The following PTK2 variants were observed in gnomAD, a reference collection of about 807,000 sequenced individuals.
PTK2 encodes the protein protein tyrosine kinase 2.
PTK2 carries 45 observed loss-of-function variants against 150.1 expected under a neutral mutation model. That is an observed-to-expected ratio of 0.30 (90% CI 0.24 to 0.38). PTK2 has a LOEUF of 0.38. Ranked by LOEUF, PTK2 falls within the 10% of genes least tolerant of loss-of-function variation. The pLI, the probability that PTK2 is intolerant of heterozygous loss-of-function variation, is 1.00. For synonymous variants in PTK2, 432 were observed against 449.2 expected (o/e 0.96, Z 0.48); for missense variants, 919 against 1,307.3 (o/e 0.70, Z 4.58).
At chr8:140,709,666 A>C (rs2100035707) in intron 23 of PTK2, among the ~76,000 whole-genome samples, 1 of 152,226 alleles carries the variant, frequency 6.6e-6, no homozygotes, top group Non-Finnish European at 1.5e-5. Flanking sequence ...ATCTTTGAAA[A>C]TGGCTTTCAT....
chr8:140,819,135 A>G lies in PTK2; in HGVS notation c.649-115T>C, dbSNP rs902730401. On this transcript the variant is annotated intron_variant, in intron 8 of 31. Coordinates refer to ENST00000522684, the Ensembl canonical transcript of PTK2. The stretch of plus-strand genomic sequence containing the variant: ...ACTTACTAACACCTACATTCAAATT[A>G]CTGCCAAAAAGTATACTTGTCAAAT... 8 of 1,030,016 alleles carry G rather than the reference A, an allele frequency of 7.8e-6. 1 individual carries two copies. In the East Asian group the frequency reaches 2.2e-4, roughly 28 times the overall value. 63.8% of individuals were successfully genotyped at this position (1,030,016 alleles called of 1,614,324 possible).
chr8:140,977,559 T>C (rs985951669), intron 1 of PTK2, among the ~76,000 whole-genome samples: 9 of 150,858 alleles, frequency 6.0e-5, no homozygotes, highest in African/African-American at 2.2e-4. Flanking sequence ...GAGGCGGAGG[T>C]TGCAGTGAGA....
At chr8:140,897,705 C>A (rs1038663804) in intron 2 of PTK2, among the ~76,000 whole-genome samples, 1 of 152,172 alleles carries the variant, frequency 6.6e-6, no homozygotes, top group Non-Finnish European at 1.5e-5. Context: ...AATGACTATT[C>A]TGTTTCTACC....
intron 31 of PTK2, among the ~76,000 whole-genome samples, chr8:140,663,783 C>A (rs1346147475): frequency 6.6e-6 from 1 of 152,060 alleles, no homozygotes; most frequent in African/African-American, 2.4e-5. Flanking sequence ...AAGCGATCAT[C>A]CTGCTTCAGC....
At chr8:140,878,073 A>C (rs1282527661) in intron 4 of PTK2, among the ~76,000 whole-genome samples, 1 of 152,086 alleles carries the variant, frequency 6.6e-6, no homozygotes, top group Non-Finnish European at 1.5e-5. Flanking sequence ...ACAACACAAA[A>C]ACCCTGCAGG....
chr8:140,740,295 G>A (rs970728702), intron 20 of PTK2, among the ~76,000 whole-genome samples: 12 of 152,196 alleles, frequency 7.9e-5, no homozygotes. Flanking sequence ...AAAGTAGAGA[G>A]GAACTAATGA....
chr8:140,839,100 G>A lies in PTK2; in HGVS notation c.593+7160C>T, dbSNP rs2100120674. ...TACAATGAAGAATGTTTAGGCAACA[G>A]GGTGATAAACATGCCGGTTTCTAGG... On this transcript the variant is annotated intron_variant, in intron 7 of 31. Coordinates refer to ENST00000522684, the Ensembl canonical transcript of PTK2. Among the ~76,000 whole-genome samples, 3 of 152,148 alleles carry A rather than the reference G, an allele frequency of 2.0e-5. No homozygotes were observed. The South Asian group carries it at 6.2e-4, about 32-fold the overall frequency.
intron 7 of PTK2, among the ~76,000 whole-genome samples, chr8:140,840,436 G>C (rs2100121658): frequency 6.6e-6 from 1 of 151,678 alleles, no homozygotes. Flanking sequence ...CTAATATTTG[G>C]AGTTTCAATT....
chr8:140,736,167 A>G (rs766469541), intron 21 of PTK2, among the ~76,000 whole-genome samples: 24 of 152,272 alleles, frequency 1.6e-4, no homozygotes, highest in Non-Finnish European at 2.4e-4. Context: ...TGTAGTACAT[A>G]TATGCCACGG....
At chr8:140,775,687 A>T (rs1356820580) in intron 14 of PTK2, among the ~76,000 whole-genome samples, 2 of 152,168 alleles carry the variant, frequency 1.3e-5, no homozygotes, top group African/African-American at 4.8e-5. Flanking sequence ...TGCTTTTCAA[A>T]TATTTAAATA....
chr8:140,706,727 A>G (rs1406073408), intron 23 of PTK2, among the ~76,000 whole-genome samples: 3 of 152,236 alleles, frequency 2.0e-5, no homozygotes, highest in African/African-American at 4.8e-5. Context: ...ACTTTCAGGT[A>G]TATGTAAAGT....
At chr8:140,728,199 CAAA>C (rs1299819333) in intron 22 of PTK2, among the ~76,000 whole-genome samples, 5 of 77,478 alleles carry the variant, frequency 6.5e-5, no homozygotes, top group Middle Eastern at 7.9e-3. Flanking sequence ...GACTCCGTCT[CAAA>C]AAAAAAAAAA....
chr8:140,709,560 C>G (rs571907889), intron 23 of PTK2, among the ~76,000 whole-genome samples: 7 of 152,306 alleles, frequency 4.6e-5, no homozygotes, highest in African/African-American at 9.6e-5. Context: ...CTTCAGCTCT[C>G]TGTGTCTCCC....
chr8:140,704,029 T>A (rs2100032279), intron 24 of PTK2, among the ~76,000 whole-genome samples: 1 of 152,202 alleles, frequency 6.6e-6, no homozygotes, highest in Admixed American at 6.5e-5. Context: ...AATCTTCAAG[T>A]AAGACATATA....
At chr8:140,953,217 AG>A (rs1346044691) in intron 1 of PTK2, among the ~76,000 whole-genome samples, 3 of 152,208 alleles carry the variant, frequency 2.0e-5, no homozygotes, top group Non-Finnish European at 4.4e-5. Context: ...GCCTGAAACT[AG>A]GGACAGTACT....
At chr8:140,906,311 G>C (rs1197295121) in intron 2 of PTK2, among the ~76,000 whole-genome samples, 1 of 152,010 alleles carries the variant, frequency 6.6e-6, no homozygotes, top group Non-Finnish European at 1.5e-5. Context: ...AACAAAAATA[G>C]AATATATGAT....
At chr8:140,859,376 T>TA (rs2100134729) in intron 5 of PTK2, among the ~76,000 whole-genome samples, 1 of 152,138 alleles carries the variant, frequency 6.6e-6, no homozygotes, top group Non-Finnish European at 1.5e-5. Context: ...GGGTATTCAT[T>TA]TTATCATCAA....
chr8:140,703,859 G>A (rs1315821454), intron 24 of PTK2, among the ~76,000 whole-genome samples: 1 of 152,196 alleles, frequency 6.6e-6, no homozygotes, highest in Non-Finnish European at 1.5e-5. Flanking sequence ...GGCTAGTGTT[G>A]TATGGTGGGT....
At chr8:140,943,053 G>C (rs2100176399) in intron 1 of PTK2, among the ~76,000 whole-genome samples, 1 of 152,066 alleles carries the variant, frequency 6.6e-6, no homozygotes, top group Non-Finnish European at 1.5e-5. Context: ...CTGGAAGCCG[G>C]TGCCATGTTT....
Sources: allele counts gnomAD v4.1 joint callset (sites outside exome capture counted in the v4.1 genomes callset), GRCh38; gene constraint gnomAD v4.1.1; transcripts MANE v1.5; gene names NCBI Gene and HGNC (gene_info 2026-07-23, HGNC 2026-07-21).